Variants in SMIM35 observed in about 807,000 individuals in gnomAD.
The protein encoded by SMIM35 is TMPRSS4 antisense RNA 1 (non-protein coding).
chr11:118,034,376 G>T (rs1190832411), intron 1 of SMIM35, among the ~76,000 whole-genome samples: 1 of 151,946 alleles, frequency 6.6e-6, no homozygotes, highest in Non-Finnish European at 1.5e-5. Flanking sequence ...TTAAAAAATT[G>T]TCACTGTCTC....
chr11:118,045,177 A>G (rs1409592261), intron 1 of SMIM35, among the ~76,000 whole-genome samples: 1 of 152,114 alleles, frequency 6.6e-6, no homozygotes, highest in Non-Finnish European at 1.5e-5. Context: ...CCCTCAATAC[A>G]TCAGGTTTTA....
intron 1 of SMIM35, among the ~76,000 whole-genome samples, chr11:118,031,071 TA>T (rs1427221687): frequency 6.6e-6 from 1 of 152,206 alleles, no homozygotes; most frequent in East Asian, 1.9e-4. Flanking sequence ...ATGTTAAGAC[TA>T]ATGGACGCCA....
In SMIM35 at chr11:118,074,705, C is replaced by T. The variant is rs534467589; in HGVS notation, c.7+12046G>A. ...GAGGTTACAGTGAGCTGAGGCTGCACCACTGCACTCCAGCCTGGGCAACAG... is the reference window on the plus strand; with the variant it reads ...GAGGTTACAGTGAGCTGAGGCTGCATCACTGCACTCCAGCCTGGGCAACAG... On this transcript the variant is annotated intron_variant, in intron 1 of 4. Transcript: ENST00000689828. Among the ~76,000 whole-genome samples the T allele has an allele frequency of 2.0e-5, 3 of 151,150 alleles. No individual in the cohort carries two copies. In the South Asian group the frequency reaches 6.3e-4, roughly 32 times the overall value.
At chr11:118,044,219 T>C (rs1160037422) in intron 1 of SMIM35, among the ~76,000 whole-genome samples, 1 of 151,224 alleles carries the variant, frequency 6.6e-6, no homozygotes, top group African/African-American at 2.4e-5. Flanking sequence ...TCAAGATCCT[T>C]ACACTTAGGT....
chr11:118,019,293 C>T (rs944526577), intron 1 of SMIM35, among the ~76,000 whole-genome samples: 8 of 152,206 alleles, frequency 5.3e-5, no homozygotes, highest in Admixed American at 2.0e-4. Context: ...AAAGGTAGTA[C>T]AGAATAGTGA....
chr11:118,028,973 C>T (rs1224087112), intron 1 of SMIM35: 36 of 389,114 alleles, frequency 9.3e-5, no homozygotes, highest in South Asian at 4.1e-4. Context: ...TATGTTGTTT[C>T]GGGTAAAAAT....
intron 1 of SMIM35, among the ~76,000 whole-genome samples, chr11:118,027,979 G>T (rs1364872890): frequency 6.6e-6 from 1 of 152,200 alleles, no homozygotes; most frequent in Non-Finnish European, 1.5e-5. Flanking sequence ...TCTTCTATTA[G>T]TCCTGATCCC....
intron 1 of SMIM35, among the ~76,000 whole-genome samples, chr11:118,047,757 G>A (rs1944124305): frequency 6.6e-6 from 1 of 152,156 alleles, no homozygotes; most frequent in Admixed American, 6.5e-5. Flanking sequence ...ACTCACCTTG[G>A]GGGCAGTCAA....
At chr11:118,032,570 T>C (rs1250000942) in intron 1 of SMIM35, among the ~76,000 whole-genome samples, 1 of 152,166 alleles carries the variant, frequency 6.6e-6, no homozygotes, top group African/African-American at 2.4e-5. Context: ...TCTTCCTGCA[T>C]AGTTTATTTT....
intron 1 of SMIM35, among the ~76,000 whole-genome samples, chr11:118,028,254 C>A (rs1278680507): frequency 3.9e-5 from 6 of 152,224 alleles, no homozygotes; most frequent in African/African-American, 7.2e-5. Context: ...TGACAGTTTC[C>A]TGCTCCTGTG....
intron 3 of SMIM35, among the ~76,000 whole-genome samples, chr11:118,014,110 T>G (rs573791551): frequency 6.6e-6 from 1 of 152,304 alleles, no homozygotes; most frequent in South Asian, 2.1e-4. Flanking sequence ...CCTGAATCCC[T>G]GATTTTCTGA....
At chr11:118,034,103 C>T (rs1194199500) in intron 1 of SMIM35, among the ~76,000 whole-genome samples, 1 of 150,756 alleles carries the variant, frequency 6.6e-6, no homozygotes, top group Non-Finnish European at 1.5e-5. Context: ...CCCCATCTCT[C>T]CTAAAAATAC....
At chr11:118,026,751 T>A (rs1322930431) in intron 1 of SMIM35, among the ~76,000 whole-genome samples, 1 of 152,118 alleles carries the variant, frequency 6.6e-6, no homozygotes, top group Non-Finnish European at 1.5e-5. Flanking sequence ...GAGAATTGCT[T>A]GAGCCCAGGA....
chr11:118,033,766 T>C (rs1055486662), intron 1 of SMIM35, among the ~76,000 whole-genome samples: 7 of 152,220 alleles, frequency 4.6e-5, no homozygotes, highest in Admixed American at 1.3e-4. Flanking sequence ...TAAGAAATCA[T>C]TCATAGAATT....
chr11:118,017,438 C>T (rs1236130004), intron 1 of SMIM35, among the ~76,000 whole-genome samples: 2 of 152,052 alleles, frequency 1.3e-5, no homozygotes, highest in Non-Finnish European at 2.9e-5. Flanking sequence ...CCTGTATCCA[C>T]AAGAGAGACA....
rs1490017953 is a variant in SMIM35, at chr11:118,015,733, G to C, written c.84C>G (p.Tyr28Ter). 2.5e-5 allele frequency: 10 copies of C among 399,522 alleles called. No homozygotes were observed. Among genetic ancestry groups the C allele is most frequent in the Admixed American group, 4.4e-5 (1 of 22,730 alleles). 24.7% of individuals were successfully genotyped at this position (399,522 alleles called of 1,614,324 possible). ...LLLLLVSILG[Y>*]SLAKWYQRGY... is the part of the protein sequence containing the mutation. Reference sequence around the variant, plus strand: ...CGCGCTGGTACCACTTGGCCAGGCTGTAGCCGAGGATGGACACGAGCAGCA... The same window carrying C: ...CGCGCTGGTACCACTTGGCCAGGCTCTAGCCGAGGATGGACACGAGCAGCA... The change falls in exon 2 of 5, where the codon TAC (tyrosine) becomes TAG (stop). Residue 28 changes from tyrosine (Y) to a stop codon, truncating the protein, a stop_gained. Coordinates refer to ENST00000689828, the MANE Select transcript of SMIM35 (RefSeq NM_001394165.1). LOFTEE classifies it high-confidence loss of function.
chr11:118,014,794 G>A lies in SMIM35; in HGVS notation c.125-53C>T, dbSNP rs571357824. ...TTAGCACCTCCAGGGGAAGCAGTCC[G>A]CCACCCTTCTAAGAACGTCTGGTGC... On this transcript the variant is annotated intron_variant, in intron 2 of 4. Coordinates refer to ENST00000689828, the MANE Select transcript of SMIM35 (RefSeq NM_001394165.1). 1,126 of 398,720 alleles carry A rather than the reference G, an allele frequency of 2.8e-3. 7 individuals are homozygous for A. Among genetic ancestry groups the A allele is most frequent in the Non-Finnish European group, 3.7e-3 (842 of 226,008 alleles). The allele number at this position is 398,720 out of a possible 1,614,324, so 24.7% of individuals were successfully genotyped here.
chr11:118,062,242 A>G (rs1353603468), intron 1 of SMIM35, among the ~76,000 whole-genome samples: 2 of 152,220 alleles, frequency 1.3e-5, no homozygotes, highest in African/African-American at 4.8e-5. Flanking sequence ...AGGCAGGAGA[A>G]TCACTTGAAC....
intron 1 of SMIM35, among the ~76,000 whole-genome samples, chr11:118,049,176 G>A (rs1453654513): frequency 6.6e-6 from 1 of 151,924 alleles, no homozygotes; most frequent in East Asian, 1.9e-4. Flanking sequence ...AGGGACCACA[G>A]GAGACAATGC....
Sources: allele counts gnomAD v4.1 joint callset (sites outside exome capture counted in the v4.1 genomes callset), GRCh38; gene constraint gnomAD v4.1.1; transcripts MANE v1.5; gene names NCBI Gene and HGNC (gene_info 2026-07-23, HGNC 2026-07-21).